Variants in PLEKHA8 observed in about 807,000 individuals in gnomAD.
PLEKHA8 encodes the protein pleckstrin homology domain containing A8, also known as pleckstrin homology domain-containing family A member 8.
PLEKHA8 carries 36 observed loss-of-function variants against 68.2 expected under a neutral mutation model. That is an observed-to-expected ratio of 0.53 (90% CI 0.40 to 0.70). The LOEUF (loss-of-function observed/expected upper bound fraction) is 0.70. PLEKHA8 is among the 30% of genes least tolerant of loss of function. The pLI is 0.00. For missense variants in PLEKHA8, 505 were observed against 615.4 expected (o/e 0.82, Z 1.90); for synonymous variants, 211 against 216.1 (o/e 0.98, Z 0.20).
At chr7:30,120,402 C>G (rs190160065) in intron 13 of PLEKHA8, among the ~76,000 whole-genome samples, 1 of 152,282 alleles carries the variant, frequency 6.6e-6, no homozygotes, top group African/African-American at 2.4e-5. Context: ...TCAGCGTTTG[C>G]TTTATTTGAA....
At chr7:30,092,859 T>C (rs1460961381), downstream of PLEKHA8, among the ~76,000 whole-genome samples, 1 of 152,174 alleles carries the variant, frequency 6.6e-6, no homozygotes, top group East Asian at 1.9e-4. Flanking sequence ...AAAGTGAGGA[T>C]AGAGATACGA....
At chr7:30,033,520 T>C (rs954923434) in intron 1 of PLEKHA8, among the ~76,000 whole-genome samples, 15 of 152,268 alleles carry the variant, frequency 9.9e-5, no homozygotes, top group Non-Finnish European at 1.5e-5. Context: ...ATATTTAGTT[T>C]ATCCATTTTC....
chr7:30,090,074 A>G (rs1318929582), intron 12 of PLEKHA8: 3 of 1,418,016 alleles, frequency 2.1e-6, no homozygotes, highest in Non-Finnish European at 2.9e-6. Flanking sequence ...CTAAAAAAGT[A>G]TCTGGAGATA....
chr7:30,115,983 T>G (rs1294295861), intron 13 of PLEKHA8: 3 of 139,132 alleles, frequency 2.2e-5, no homozygotes, highest in Non-Finnish European at 4.8e-5. Context: ...CATGCATGCA[T>G]GTATGCATAC....
chr7:30,033,767 G>A (rs896365316), intron 1 of PLEKHA8, among the ~76,000 whole-genome samples: 4 of 152,004 alleles, frequency 2.6e-5, no homozygotes, highest in African/African-American at 4.8e-5. Context: ...TTACATTCTC[G>A]TCAGTAATCA....
At chr7:30,094,740 T>C (rs985845886), downstream of PLEKHA8, among the ~76,000 whole-genome samples, 11 of 140,380 alleles carry the variant, frequency 7.8e-5, no homozygotes, top group African/African-American at 2.9e-4. Context: ...GTGTTCTCAT[T>C]GTTCAATTCC....
At chr7:30,054,408 C>T (rs1175807943) in intron 7 of PLEKHA8, among the ~76,000 whole-genome samples, 2 of 152,058 alleles carry the variant, frequency 1.3e-5, no homozygotes, top group Non-Finnish European at 2.9e-5. Context: ...TGGAAGCTAC[C>T]TAAGTGCCCC....
chr7:30,085,564 C>T (rs1223651549), downstream of PLEKHA8, among the ~76,000 whole-genome samples: 2 of 152,190 alleles, frequency 1.3e-5, no homozygotes, highest in East Asian at 3.8e-4. Context: ...CTCTCACACA[C>T]TTGTTTGTGC....
At chr7:30,100,745 C>G (rs1399734176) in intron 13 of PLEKHA8, among the ~76,000 whole-genome samples, 1 of 152,010 alleles carries the variant, frequency 6.6e-6, no homozygotes, top group African/African-American at 2.4e-5. Flanking sequence ...AGAGCAGTAA[C>G]TCAAGAAAAG....
chr7:30,048,724 T>C (rs1792161491), intron 4 of PLEKHA8, among the ~76,000 whole-genome samples: 1 of 152,174 alleles, frequency 6.6e-6, no homozygotes, highest in Non-Finnish European at 1.5e-5. Context: ...ATGCTACTGG[T>C]AGTACATGTG....
In PLEKHA8 at chr7:30,081,179, T is replaced by A; in HGVS notation, c.*2392T>A. ...TATCTGAGATCATTGAGAACCCAGA[T>A]CAGACAGAATAGCTTGAATAAGTTA... is the stretch of plus-strand genomic sequence containing the variant. On this transcript the variant is annotated 3_prime_UTR_variant, in exon 14 of 14. Transcript: ENST00000449726. 1.0e-6 allele frequency: 1 copy of A among 985,398 alleles called. No homozygotes were observed. The highest frequency in any genetic ancestry group is 1.2e-6 in the Non-Finnish European group (1 of 829,906). The allele number at this position is 985,398 out of a possible 1,614,324, so 61.0% of individuals were successfully genotyped here. A position where few individuals can be genotyped will look rare whatever the true frequency, so the allele number is the denominator to read the frequency against.
downstream of PLEKHA8, among the ~76,000 whole-genome samples, chr7:30,085,432 AGATTAATT>A (rs1795146044): frequency 1.3e-5 from 2 of 152,204 alleles, no homozygotes; most frequent in African/African-American, 4.8e-5. Context: ...AACAATTAGT[AGATTAATT>A]TGCTAAGCCT....
At chr7:30,111,694 A>T (rs894157620) in intron 13 of PLEKHA8, among the ~76,000 whole-genome samples, 1 of 151,510 alleles carries the variant, frequency 6.6e-6, no homozygotes, top group African/African-American at 2.4e-5. Flanking sequence ...GTCATCACTC[A>T]CTGTAACCTC....
chr7:30,115,825 C>T (rs7796265), intron 13 of PLEKHA8: 11,925 of 141,446 alleles, frequency 0.084, 1,524 homozygotes, highest in Middle Eastern at 0.095. Flanking sequence ...TGTATACATG[C>T]GTGCACATAC....
In PLEKHA8 at chr7:30,079,805, A is replaced by T. The variant is rs1335216364; in HGVS notation, c.*1018A>T. ...GAATCTGCATTTCAGTAAACTTTACACGTGATTCTTCTGCACACAGTATTG... is the reference window on the plus strand; with the variant it reads ...GAATCTGCATTTCAGTAAACTTTACTCGTGATTCTTCTGCACACAGTATTG... On this transcript the variant is annotated 3_prime_UTR_variant, in exon 14 of 14. Coordinates refer to ENST00000449726, the MANE Select transcript of PLEKHA8 (RefSeq NM_001197026.2). 2 of 883,042 alleles carry T rather than the reference A, an allele frequency of 2.3e-6. No homozygotes were observed. The highest frequency in any genetic ancestry group is 3.6e-5 in the African/African-American group (2 of 54,972). The allele number at this position is 883,042 out of a possible 1,614,324, so 54.7% of individuals were successfully genotyped here.
intron 1 of PLEKHA8, among the ~76,000 whole-genome samples, chr7:30,041,679 A>T (rs1473750838): frequency 6.6e-6 from 1 of 152,142 alleles, no homozygotes; most frequent in African/African-American, 2.4e-5. Flanking sequence ...ACAGGAGTGA[A>T]CCACGGAGCC....
At chr7:30,108,012 T>G (rs1441099281) in intron 13 of PLEKHA8, among the ~76,000 whole-genome samples, 4 of 132,680 alleles carry the variant, frequency 3.0e-5, no homozygotes, top group Admixed American at 9.7e-5. Context: ...GAGGTTGCAG[T>G]GAGCAGAGAT....
chr7:30,085,862 G>C (rs79904756), downstream of PLEKHA8, among the ~76,000 whole-genome samples: 684 of 152,282 alleles, frequency 4.5e-3, 9 homozygotes, highest in East Asian at 0.056. Context: ...TGGAGAGGAA[G>C]GATGGTGTAG....
chr7:30,099,952 G>A (rs1344682762), intron 13 of PLEKHA8, among the ~76,000 whole-genome samples: 1 of 152,200 alleles, frequency 6.6e-6, no homozygotes, highest in Non-Finnish European at 1.5e-5. Context: ...CAAAACTAAG[G>A]TGTTGGCAAG....
Sources: gnomAD v4.1 joint callset for allele counts (sites outside exome capture counted in the v4.1 genomes callset) on GRCh38, gnomAD v4.1.1 for gene constraint, MANE v1.5 for transcripts, NCBI Gene and HGNC (gene_info 2026-07-23, HGNC 2026-07-21) for gene names.